Variants in NUDCD3 observed in about 807,000 individuals in gnomAD.
NUDCD3 encodes the protein nudC domain-containing protein 3.
NUDCD3 carries 13 observed loss-of-function variants against 39.7 expected under a neutral mutation model. That is an observed-to-expected ratio of 0.33 (90% CI 0.21 to 0.52). The LOEUF (loss-of-function observed/expected upper bound fraction) is 0.52, where lower values mean the gene tolerates loss of function less well. NUDCD3 is among the 20% of genes least tolerant of loss of function. The pLI is 0.96. For missense variants in NUDCD3, 453 were observed against 458.1 expected (o/e 0.99, Z 0.10); for synonymous variants, 175 against 172.4 (o/e 1.02, Z -0.12).
At chr7:44,435,685 G>A (rs969612723) in intron 2 of NUDCD3, among the ~76,000 whole-genome samples, 1 of 152,154 alleles carries the variant, frequency 6.6e-6, no homozygotes, top group Non-Finnish European at 1.5e-5. Context: ...TGTAATGAAG[G>A]CAATGAGTCT....
At chr7:44,461,967 C>T (rs183024359) in intron 2 of NUDCD3, among the ~76,000 whole-genome samples, 17 of 152,156 alleles carry the variant, frequency 1.1e-4, no homozygotes, top group African/African-American at 4.1e-4. Flanking sequence ...TGCCTGGCTC[C>T]GTGGTAAATA....
chr7:44,446,845 G>GA (rs1799698086), intron 2 of NUDCD3, among the ~76,000 whole-genome samples: 1 of 152,140 alleles, frequency 6.6e-6, no homozygotes, highest in African/African-American at 2.4e-5. Context: ...ATGATTATAT[G>GA]ATTTGACTGA....
chr7:44,412,640 T>C (rs962298037), intron 3 of NUDCD3, among the ~76,000 whole-genome samples: 2 of 152,140 alleles, frequency 1.3e-5, no homozygotes, highest in African/African-American at 2.4e-5. Flanking sequence ...TAGAAACCAT[T>C]GGCAGGGCCG....
rs760120118 is a variant in NUDCD3 at position 44,459,203 on chromosome 7, C to CT, written c.509+25764dup. ...GTAGATGGATTTTTCTTAATTTTTT[C>CT]TTTTTTTTTTTTTTGAGACAGGGCC... On this transcript the variant is annotated intron_variant, in intron 2 of 5. Transcript: ENST00000355451. 2.0e-3 allele frequency among the ~76,000 whole-genome samples: 280 copies of CT among 139,676 alleles called. 2 individuals are homozygous for CT. The highest frequency in any genetic ancestry group is 5.8e-3 in the East Asian group (28 of 4,836). The allele number at this position is 139,676 out of a possible 152,430, so 91.6% of individuals were successfully genotyped here.
chr7:44,404,595 G>A lies in NUDCD3; in HGVS notation c.643-12C>T. 6.2e-7 allele frequency: 1 copy of A among 1,612,536 alleles called. No individual in the cohort carries two copies. Among genetic ancestry groups the A allele is most frequent in the Non-Finnish European group, 8.5e-7 (1 of 1,179,646 alleles). On this transcript the variant is annotated splice_polypyrimidine_tract_variant and intron_variant, in intron 3 of 5. Coordinates refer to ENST00000355451, the MANE Select transcript of NUDCD3 (RefSeq NM_015332.4). Reference sequence around the variant, plus strand: ...AGGGCCACTGAGACCTGGGGACACAGCAGAAGAAAATCATCTCTCCTATCA... The same window carrying A: ...AGGGCCACTGAGACCTGGGGACACAACAGAAGAAAATCATCTCTCCTATCA...
rs1800579849 is a variant in NUDCD3, at chr7:44,485,138, G to A, written c.339C>T (p.Val113=). 6 of 1,614,150 alleles carry A rather than the reference G, an allele frequency of 3.7e-6. No individual in the cohort carries two copies. The highest frequency in any genetic ancestry group is 5.1e-6 in the Non-Finnish European group (6 of 1,180,038). Residue 113 remains valine (V), a synonymous_variant, in exon 2 of 6, where the codon GTC becomes GTT. Transcript: ENST00000355451. ...TGGTGGAGTCAATCTCTATTTCCTG[G>A]ACTGGAACTGGGACTGGCTCCTTCT... ...AAEKEPVPVP[V]QEIEIDSTTE...
At chr7:44,400,091 T>A (rs1008788688) in intron 4 of NUDCD3, among the ~76,000 whole-genome samples, 1 of 151,920 alleles carries the variant, frequency 6.6e-6, no homozygotes, top group Non-Finnish European at 1.5e-5. Context: ...GCCTGTCAGC[T>A]CCCCCGACTG....
At chr7:44,484,201 T>C (rs1800554773) in intron 2 of NUDCD3, among the ~76,000 whole-genome samples, 1 of 152,220 alleles carries the variant, frequency 6.6e-6, no homozygotes, top group African/African-American at 2.4e-5. Context: ...GTGGCTGTCT[T>C]GCAGACACTA....
chr7:44,389,474 C>T (rs1288195443), intron 5 of NUDCD3, among the ~76,000 whole-genome samples: 8 of 152,082 alleles, frequency 5.3e-5, no homozygotes, highest in Non-Finnish European at 7.4e-5. Context: ...GTCAGGAGAT[C>T]GAGACCATCC....
chr7:44,389,229 T>G (rs780511172), intron 5 of NUDCD3, among the ~76,000 whole-genome samples: 7 of 152,012 alleles, frequency 4.6e-5, no homozygotes, highest in Non-Finnish European at 7.4e-5. Flanking sequence ...TGCTGCCATC[T>G]TTCACCCCTT....
chr7:44,473,414 C>T (rs921407747), intron 2 of NUDCD3, among the ~76,000 whole-genome samples: 3 of 152,150 alleles, frequency 2.0e-5, no homozygotes, highest in East Asian at 3.8e-4. Context: ...GGCAACAGAA[C>T]GGCCTCAAAG....
At chr7:44,399,608 A>T (rs1397622165) in intron 4 of NUDCD3, among the ~76,000 whole-genome samples, 1 of 152,228 alleles carries the variant, frequency 6.6e-6, no homozygotes, top group Non-Finnish European at 1.5e-5. Flanking sequence ...CACTGGAAGT[A>T]TCTGGGTAAA....
In NUDCD3 at chr7:44,380,997, C is replaced by CA. The variant is rs1798296737; in HGVS notation, c.*5013dup. 1 of 152,362 alleles carries CA rather than the reference C, an allele frequency of 6.6e-6. No homozygotes were observed. Among genetic ancestry groups the CA allele is most frequent in the Non-Finnish European group, 1.5e-5 (1 of 68,132 alleles). The allele number at this position is 152,362 out of a possible 1,614,324, so 9.4% of individuals were successfully genotyped here. ...CAGGCAGACAAGGCAGGCAGGGCCC[C>CA]AGCCCAATGCCTGAGTCAGCAGGCT... On this transcript the variant is annotated 3_prime_UTR_variant, in exon 6 of 6. Transcript: ENST00000355451.
chr7:44,405,629 C>T (rs953497104), intron 3 of NUDCD3, among the ~76,000 whole-genome samples: 2 of 152,128 alleles, frequency 1.3e-5, no homozygotes. Context: ...GCTCATTAAA[C>T]GCTTATAAAA....
intron 3 of NUDCD3, among the ~76,000 whole-genome samples, chr7:44,416,931 T>C (rs1563170434): frequency 6.6e-6 from 1 of 150,780 alleles, no homozygotes; most frequent in Non-Finnish European, 1.5e-5. Context: ...ATAGGAGGAC[T>C]GGGGGGGACA....
chr7:44,396,123 GTGTT>G lies in NUDCD3; in HGVS notation c.787-3642_787-3639del, dbSNP rs201634191. Among the ~76,000 whole-genome samples, 1,478 of 150,792 alleles carry G rather than the reference GTGTT, an allele frequency of 9.8e-3. 39 individuals carry two copies. The East Asian group carries it at 0.12, about 12-fold the overall frequency. On this transcript the variant is annotated intron_variant, in intron 4 of 5. Coordinates refer to ENST00000355451, the MANE Select transcript of NUDCD3 (RefSeq NM_015332.4). The stretch of plus-strand genomic sequence containing the variant: ...TGTGTGTGTGTGTGTGTGTGTGTGT[GTGTT>G]TAATTACAGCCATCCCACAGGTGTG...
rs572806521 is a variant in NUDCD3, at chr7:44,444,227, G to T, written c.510-16524C>A. Among the ~76,000 whole-genome samples the T allele has an allele frequency of 2.0e-5, 3 of 152,238 alleles. No homozygotes were observed. The East Asian group carries it at 5.8e-4, about 29-fold the overall frequency. ...CTCACAGGTTATCAACAGATGATAG[G>T]ATAGGAGGCATCCTATCACCTGTTC... On this transcript the variant is annotated intron_variant, in intron 2 of 5. Transcript: ENST00000355451.
At chr7:44,468,344 AACTG>A in intron 2 of NUDCD3, 1 of 1,235,628 alleles carries the variant, frequency 8.1e-7, no homozygotes, top group Non-Finnish European at 1.1e-6. Context: ...TAAATGTAAA[AACTG>A]CAAAAAAAAA....
chr7:44,450,309 C>T (rs557650851), intron 2 of NUDCD3, among the ~76,000 whole-genome samples: 1 of 152,016 alleles, frequency 6.6e-6, no homozygotes, highest in African/African-American at 2.4e-5. Context: ...TCCCCAGTAG[C>T]AGGCTCATAG....
Sources: gnomAD v4.1 joint callset for allele counts (sites outside exome capture counted in the v4.1 genomes callset) on GRCh38, gnomAD v4.1.1 for gene constraint, MANE v1.5 for transcripts, NCBI Gene and HGNC (gene_info 2026-07-23, HGNC 2026-07-21) for gene names.